PCDHA1: variants seen among roughly 807,000 people sequenced by gnomAD.
PCDHA1 encodes the protein protocadherin alpha 1.
A neutral mutation model predicts 61.3 loss-of-function variants in PCDHA1; 42 were observed. The ratio of observed to expected loss-of-function variants is 0.69; its 90% CI spans 0.54 to 0.89. The LOEUF is 0.89. PCDHA1 is among the 40% of genes least tolerant of loss of function. PCDHA1 has a pLI of 0.00. For missense variants in PCDHA1, 1,256 were observed against 1,235.3 expected, an observed-to-expected ratio of 1.02 and a Z score of -0.25; for synonymous variants, 610 against 553.8, an observed-to-expected ratio of 1.10 and a Z score of -1.43.
At chr5:140,841,678 G>A in intron 1 of PCDHA1, 3 of 1,613,980 alleles carry the variant, frequency 1.9e-6, no homozygotes, top group Non-Finnish European at 1.7e-6. Context: ...TTTTCCATGT[G>A]GACGTGGAGG....
At chr5:140,883,113 G>A in intron 1 of PCDHA1, 2 of 1,614,086 alleles carry the variant, frequency 1.2e-6, no homozygotes, top group Non-Finnish European at 1.7e-6. Context: ...TACTCATTTA[G>A]AAGGCCTGTA....
intron 1 of PCDHA1, chr5:140,858,677 T>A (rs1480959792): frequency 3.2e-6 from 2 of 629,026 alleles, no homozygotes; most frequent in African/African-American, 3.7e-5. Context: ...TTATTCTGAA[T>A]ACACTAATAT....
intron 1 of PCDHA1, among the ~76,000 whole-genome samples, chr5:140,921,353 A>T (rs943655623): frequency 6.6e-6 from 1 of 152,160 alleles, no homozygotes; most frequent in Non-Finnish European, 1.5e-5. Context: ...ATATTTGCCT[A>T]TATTCAAGTT....
chr5:140,857,805 C>T lies in PCDHA1; in HGVS notation c.2394+69121C>T, dbSNP rs1311256758. On this transcript the variant is annotated intron_variant, in intron 1 of 3. Coordinates refer to ENST00000504120, the MANE Select transcript of PCDHA1 (RefSeq NM_018900.4). ...GAGCTGGTGCTGCGGTCGGTGGTTG[C>T]GGGTCACGTGGTGGCTAAGGTGCGC... The T allele has an allele frequency of 2.9e-5, 47 of 1,597,594 alleles. 7 individuals are homozygous for T. The highest frequency in any genetic ancestry group is 5.1e-5 in the Admixed American group (3 of 59,234).
chr5:140,979,002 G>A lies in PCDHA1; in HGVS notation c.2448G>A (p.Met816Ile). 6.2e-7 allele frequency: 1 copy of A among 1,614,130 alleles called. No homozygotes were observed. The highest frequency in any genetic ancestry group is 8.5e-7 in the Non-Finnish European group (1 of 1,180,014). ...WRYSASLRAG[M>I]HSSVHLEEAG... ...ACTCTGCCTCCCTGAGAGCAGGCAT[G>A]CACAGGTATGTATTTCCCTCCTCAT... The change falls in exon 2 of 4, where the codon ATG becomes ATA. Residue 816 changes from methionine (M) to isoleucine (I), a missense_variant. Transcript: ENST00000504120.
intron 1 of PCDHA1, among the ~76,000 whole-genome samples, chr5:140,792,705 T>A (rs1265974557): frequency 6.6e-6 from 1 of 152,236 alleles, no homozygotes; most frequent in Non-Finnish European, 1.5e-5. Flanking sequence ...CAAGCCATGT[T>A]TCCTGAAGCT....
At position 140,788,146 on chromosome 5, in the gene PCDHA1, G is replaced by A. The variant is rs1554118154; in HGVS notation, c.1856G>A (p.Arg619His). 2 of 1,613,970 alleles carry A rather than the reference G, an allele frequency of 1.2e-6. No individual in the cohort carries two copies. The highest frequency in any genetic ancestry group is 1.7e-4 in the Middle Eastern group (1 of 6,054). Residue 619 changes from arginine (R) to histidine (H), a missense_variant, in exon 1 of 4, where the codon CGC (arginine) becomes CAC (histidine). Physicochemically the swap from Arg to His is conservative, Grantham distance 29. Coordinates refer to ENST00000504120, the MANE Select transcript of PCDHA1 (RefSeq NM_018900.4). ...CTGCAGCCGGCAGCAGGCGGCGCGC[G>A]CATCCCGTTCCGCGTGGGGCTGTAC... ...YELQPAAGGA[R>H]IPFRVGLYTG...
At chr5:141,003,432 C>T (rs1175854943) in intron 3 of PCDHA1, among the ~76,000 whole-genome samples, 1 of 152,124 alleles carries the variant, frequency 6.6e-6, no homozygotes, top group African/African-American at 2.4e-5. Context: ...ATGCCTCAGC[C>T]TCCCAAGTAG....
chr5:140,858,889 AT>A (rs2045644235), intron 1 of PCDHA1: 2 of 236,178 alleles, frequency 8.5e-6, no homozygotes, highest in African/African-American at 2.4e-5. Context: ...CATGTGTAGA[AT>A]ATGTGTAGCG....
At chr5:140,984,281 C>G (rs574169465) in intron 3 of PCDHA1, among the ~76,000 whole-genome samples, 32 of 152,336 alleles carry the variant, frequency 2.1e-4, no homozygotes, top group African/African-American at 7.5e-4. Context: ...AATACATTCT[C>G]CCTCCCATTG....
chr5:140,848,252 G>C (rs188149099), intron 1 of PCDHA1: 1 of 468,304 alleles, frequency 2.1e-6, no homozygotes, highest in African/African-American at 2.0e-5. Flanking sequence ...CAGAATAACT[G>C]TGAAATTTTT....
chr5:140,787,188 G>A lies in PCDHA1; in HGVS notation c.898G>A (p.Gly300Arg), dbSNP rs1554117727. The A allele has an allele frequency of 6.2e-7, 1 of 1,613,932 alleles. No individual in the cohort carries two copies. The highest frequency in any genetic ancestry group is 8.5e-7 in the Non-Finnish European group (1 of 1,179,930). The change falls in exon 1 of 4, where the codon GGA becomes AGA. Residue 300 changes from glycine (G) to arginine (R), a missense_variant. Physicochemically the swap from Gly to Arg is moderately radical, Grantham distance 125. Coordinates refer to ENST00000504120, the MANE Select transcript of PCDHA1 (RefSeq NM_018900.4). ...AAAATTCAAAGTTGATTCCAGCTCA[G>A]GAGAAATTAGGTTAATTGATAAACT... ...QEKFKVDSSS[G>R]EIRLIDKLDY...
chr5:140,821,614 G>A (rs1287439178), intron 1 of PCDHA1: 1 of 830,962 alleles, frequency 1.2e-6, no homozygotes, highest in Non-Finnish European at 1.8e-6. Context: ...ACAGTGAGTA[G>A]ATTTTCCTTA....
At chr5:140,790,428 G>T (rs1424252082) in intron 1 of PCDHA1, among the ~76,000 whole-genome samples, 1 of 152,160 alleles carries the variant, frequency 6.6e-6, no homozygotes, top group Non-Finnish European at 1.5e-5. Context: ...AATATAATTT[G>T]CTAGTTAAGT....
intron 1 of PCDHA1, chr5:140,842,931 C>A: frequency 1.3e-6 from 2 of 1,594,502 alleles, no homozygotes; most frequent in Non-Finnish European, 1.7e-6. Flanking sequence ...CAGGTGAGCG[C>A]GCGCGACGCG....
At chr5:140,795,367 ATG>A in intron 1 of PCDHA1, 1 of 1,614,178 alleles carries the variant, frequency 6.2e-7, no homozygotes, top group Non-Finnish European at 8.5e-7. Context: ...AATATTTCCA[ATG>A]ACAGTAAAGA....
intron 1 of PCDHA1, among the ~76,000 whole-genome samples, chr5:140,800,541 T>A (rs1554121154): frequency 6.6e-6 from 1 of 152,210 alleles, no homozygotes; most frequent in Non-Finnish European, 1.5e-5. Context: ...TCTGAAAGGA[T>A]CTGATTTTTC....
intron 1 of PCDHA1, among the ~76,000 whole-genome samples, chr5:140,840,809 C>T (rs1776884583): frequency 6.6e-6 from 1 of 151,832 alleles, no homozygotes; most frequent in Admixed American, 6.6e-5. Flanking sequence ...TAATATATAC[C>T]AGTGTTTCTG....
rs1200776013 is a variant in PCDHA1, at chr5:140,836,933, T to G, written c.2394+48249T>G. On this transcript the variant is annotated intron_variant, in intron 1 of 3. Transcript: ENST00000504120. ...ACTTTTGTTTTGGGATGCGTAATAC[T>G]ATAGATCAAAATCTATGGTTTATGT... is the stretch of plus-strand genomic sequence containing the variant. 4 of 481,968 alleles carry G rather than the reference T, an allele frequency of 8.3e-6. 1 individual carries two copies. The highest frequency in any genetic ancestry group is 1.4e-5 in the Non-Finnish European group (4 of 282,424). The allele number at this position is 481,968 out of a possible 1,614,324, so 29.9% of individuals were successfully genotyped here. A position where few individuals can be genotyped will look rare whatever the true frequency, so the allele number is the denominator to read the frequency against.
Sources: allele counts gnomAD v4.1 joint callset (sites outside exome capture counted in the v4.1 genomes callset), GRCh38; gene constraint gnomAD v4.1.1; transcripts MANE v1.5; gene names NCBI Gene and HGNC (gene_info 2026-07-23, HGNC 2026-07-21).